CNTN5: variants seen among roughly 807,000 people sequenced by gnomAD.
CNTN5 encodes the protein contactin-5.
A neutral mutation model predicts 129.1 loss-of-function variants in CNTN5; 77 were observed. The observed-to-expected ratio is 0.60, with a 90% CI of 0.50 to 0.72. CNTN5 has a LOEUF of 0.72. Among genes scored for constraint, CNTN5 ranks in the 30% least tolerant of loss-of-function variants. The pLI, the probability that CNTN5 is intolerant of heterozygous loss-of-function variation, is 0.00. For missense variants in CNTN5, 1,478 were observed against 1,328.8 expected, an observed-to-expected ratio of 1.11 and a Z score of -1.75; for synonymous variants, 509 against 465.6, an observed-to-expected ratio of 1.09 and a Z score of -1.20.
At chr11:99,226,115 T>C (rs1286469428) in intron 1 of CNTN5, among the ~76,000 whole-genome samples, 2 of 152,120 alleles carry the variant, frequency 1.3e-5, no homozygotes, top group Admixed American at 6.6e-5. Context: ...AAATCATGGG[T>C]AGAATGTCTT....
chr11:100,272,055 C>T (rs1470888319), intron 18 of CNTN5, among the ~76,000 whole-genome samples: 1 of 151,866 alleles, frequency 6.6e-6, no homozygotes, highest in Non-Finnish European at 1.5e-5. Context: ...TTGATAAGAA[C>T]AATATGAAAA....
chr11:100,179,889 C>CT (rs1490410593), intron 13 of CNTN5, among the ~76,000 whole-genome samples: 1 of 152,000 alleles, frequency 6.6e-6, no homozygotes, highest in Non-Finnish European at 1.5e-5. Context: ...AGTCCTATGT[C>CT]TTTTTTAAAT....
chr11:99,696,657 A>G (rs1337784071), intron 3 of CNTN5, among the ~76,000 whole-genome samples: 1 of 151,868 alleles, frequency 6.6e-6, no homozygotes, highest in African/African-American at 2.4e-5. Context: ...CTAAACTAAT[A>G]CAGTTAGATA....
chr11:99,755,865 C>T (rs989665540), intron 3 of CNTN5, among the ~76,000 whole-genome samples: 2 of 151,984 alleles, frequency 1.3e-5, no homozygotes, highest in Admixed American at 6.6e-5. Flanking sequence ...AATATTAAAA[C>T]CTATCACAAG....
At chr11:99,207,867 T>C (rs764210009) in intron 1 of CNTN5, among the ~76,000 whole-genome samples, 13 of 152,176 alleles carry the variant, frequency 8.5e-5, no homozygotes, top group Non-Finnish European at 1.6e-4. Flanking sequence ...AAAAGTTGCC[T>C]GCAGTAAGTA....
At chr11:100,252,258 G>T (rs941955026) in intron 16 of CNTN5, among the ~76,000 whole-genome samples, 1 of 151,974 alleles carries the variant, frequency 6.6e-6, no homozygotes, top group Non-Finnish European at 1.5e-5. Context: ...TTTTAATAGC[G>T]TTGTTTGTCT....
chr11:100,054,748 AAAAG>A (rs1591143723), intron 9 of CNTN5, among the ~76,000 whole-genome samples: 2 of 151,860 alleles, frequency 1.3e-5, no homozygotes, highest in East Asian at 3.9e-4. Flanking sequence ...GAAGGCATAA[AAAAG>A]AAACCCTAGA....
intron 1 of CNTN5, among the ~76,000 whole-genome samples, chr11:99,102,838 T>C (rs1866803911): frequency 6.6e-6 from 1 of 152,140 alleles, no homozygotes; most frequent in Non-Finnish European, 1.5e-5. Flanking sequence ...TTTTCAGGTA[T>C]CTTTTGAGCA....
chr11:100,106,080 T>C (rs935782097), intron 13 of CNTN5, among the ~76,000 whole-genome samples: 1 of 152,176 alleles, frequency 6.6e-6, no homozygotes, highest in African/African-American at 2.4e-5. Context: ...AAACCAGTGC[T>C]GCTGATCAGA....
chr11:99,187,946 A>T (rs948864836), intron 1 of CNTN5, among the ~76,000 whole-genome samples: 1 of 151,864 alleles, frequency 6.6e-6, no homozygotes, highest in African/African-American at 2.4e-5. Flanking sequence ...TTTTCCTTCC[A>T]GTGGTTACTA....
chr11:99,616,938 C>A (rs1295751581), intron 3 of CNTN5, among the ~76,000 whole-genome samples: 1 of 151,914 alleles, frequency 6.6e-6, no homozygotes, highest in African/African-American at 2.4e-5. Context: ...TGGCAAAACC[C>A]TGTCTCTACT....
chr11:99,705,930 CAG>C (rs1203605933), intron 3 of CNTN5, among the ~76,000 whole-genome samples: 4 of 151,410 alleles, frequency 2.6e-5, no homozygotes, highest in African/African-American at 9.7e-5. Flanking sequence ...CCAACTAGAG[CAG>C]AGTGTTGGGA....
At chr11:99,390,614 T>TG (rs1447638756) in intron 2 of CNTN5, among the ~76,000 whole-genome samples, 4 of 152,190 alleles carry the variant, frequency 2.6e-5, no homozygotes, top group African/African-American at 9.6e-5. Context: ...TAATGAAATA[T>TG]GAATAATTAA....
chr11:99,489,848 AAGAC>A (rs935234857), intron 2 of CNTN5, among the ~76,000 whole-genome samples: 21 of 152,154 alleles, frequency 1.4e-4, no homozygotes, highest in Non-Finnish European at 2.6e-4. Flanking sequence ...GTGAGAGGGA[AAGAC>A]AGACAGAGAG....
chr11:99,511,862 A>G (rs1488212456), intron 2 of CNTN5, among the ~76,000 whole-genome samples: 1 of 151,778 alleles, frequency 6.6e-6, no homozygotes, highest in Non-Finnish European at 1.5e-5. Flanking sequence ...AATTTTGAAT[A>G]TGTAGTTGCA....
chr11:100,005,325 TCTTA>T (rs1307170795), intron 9 of CNTN5, among the ~76,000 whole-genome samples: 1 of 152,130 alleles, frequency 6.6e-6, no homozygotes, highest in Non-Finnish European at 1.5e-5. Flanking sequence ...TCCCGTATTC[TCTTA>T]TTTATATCCA....
chr11:99,873,772 G>T (rs1016864490), intron 6 of CNTN5, among the ~76,000 whole-genome samples: 2 of 152,070 alleles, frequency 1.3e-5, no homozygotes, highest in African/African-American at 4.8e-5. Context: ...GTTTATCATA[G>T]CACTGTTTAC....
chr11:99,841,955 C>T (rs1421050670), intron 4 of CNTN5, among the ~76,000 whole-genome samples: 15 of 151,354 alleles, frequency 9.9e-5, no homozygotes, highest in African/African-American at 2.4e-5. Flanking sequence ...GGAGCGATCT[C>T]AGCTCGCTGC....
chr11:99,058,735 A>G (rs1307466388), intron 1 of CNTN5, among the ~76,000 whole-genome samples: 2 of 151,580 alleles, frequency 1.3e-5, no homozygotes, highest in East Asian at 3.9e-4. Flanking sequence ...GTCTTCCTTC[A>G]TTGTCATTAA....
Sources: allele counts gnomAD v4.1 joint callset (sites outside exome capture counted in the v4.1 genomes callset), GRCh38; gene constraint gnomAD v4.1.1; transcripts MANE v1.5; gene names NCBI Gene and HGNC (gene_info 2026-07-23, HGNC 2026-07-21).